Variants in SRPK2 observed in about 807,000 individuals in gnomAD.
The protein encoded by SRPK2 is SFRS protein kinase 2.
In SRPK2, 21 loss-of-function variants were observed where a neutral mutation model predicts 90.8. The observed-to-expected ratio is 0.23, with a 90% CI of 0.16 to 0.33. The LOEUF (loss-of-function observed/expected upper bound fraction) is 0.33. SRPK2 is among the 10% of genes least tolerant of loss of function. SRPK2 has a pLI of 1.00. For synonymous variants in SRPK2, 288 were observed against 311.1 expected, an observed-to-expected ratio of 0.93 and a Z score of 0.78; for missense variants, 620 against 869.0, an observed-to-expected ratio of 0.71 and a Z score of 3.60.
chr7:105,118,788 T>C (rs1799922027), intron 15 of SRPK2, among the ~76,000 whole-genome samples: 2 of 151,582 alleles, frequency 1.3e-5, no homozygotes, highest in Non-Finnish European at 2.9e-5. Flanking sequence ...GGCACGGTGG[T>C]ACATCCCAGC....
At position 105,182,746 on chromosome 7, in the gene SRPK2, G is replaced by A. The variant is rs369172876; in HGVS notation, c.230-13481C>T. On this transcript the variant is annotated intron_variant, in intron 3 of 15. Coordinates refer to ENST00000393651, the MANE Select transcript of SRPK2 (RefSeq NM_182692.3). ...GCCTCCCAAAGTGCTGGGATTACAG[G>A]CGTGAGCCACAGTGCCTGGCAAGTT... 1.4e-3 allele frequency among the ~76,000 whole-genome samples: 219 copies of A among 152,296 alleles called. 1 individual carries two copies. The highest frequency in any genetic ancestry group is 5.0e-3 in the African/African-American group (209 of 41,564).
intron 1 of SRPK2, among the ~76,000 whole-genome samples, chr7:105,396,064 C>T (rs893680117): frequency 6.6e-5 from 10 of 151,748 alleles, no homozygotes; most frequent in African/African-American, 1.9e-4. Context: ...TACAGGCATG[C>T]GCCACCACAC....
intron 2 of SRPK2, among the ~76,000 whole-genome samples, chr7:105,259,175 C>T (rs1803819607): frequency 6.6e-6 from 1 of 152,180 alleles, no homozygotes; most frequent in South Asian, 2.1e-4. Context: ...AGCTGATAAG[C>T]AACTTCAGCA....
At chr7:105,127,741 C>CA (rs1562959129) in intron 13 of SRPK2, among the ~76,000 whole-genome samples, 4 of 105,704 alleles carry the variant, frequency 3.8e-5, no homozygotes, top group South Asian at 6.3e-4. Context: ...CCCTTGCTCA[C>CA]AAAAAAACCC....
chr7:105,265,424 G>A (rs920395100), intron 2 of SRPK2, among the ~76,000 whole-genome samples: 3 of 152,100 alleles, frequency 2.0e-5, no homozygotes, highest in Non-Finnish European at 2.9e-5. Flanking sequence ...AAGGACTTGA[G>A]CATCTGTGGA....
chr7:105,156,066 T>C (rs1490510759), intron 7 of SRPK2, among the ~76,000 whole-genome samples: 1 of 152,220 alleles, frequency 6.6e-6, no homozygotes, highest in African/African-American at 2.4e-5. Context: ...CACCAGATGA[T>C]AGAAAATCTT....
intron 2 of SRPK2, among the ~76,000 whole-genome samples, chr7:105,384,025 T>C (rs967948608): frequency 6.6e-6 from 1 of 152,200 alleles, no homozygotes; most frequent in Non-Finnish European, 1.5e-5. Context: ...GAAAATGTTA[T>C]AGAATTAGAT....
At chr7:105,345,345 A>G (rs947249806) in intron 2 of SRPK2, among the ~76,000 whole-genome samples, 1 of 152,228 alleles carries the variant, frequency 6.6e-6, no homozygotes, top group Admixed American at 6.5e-5. Flanking sequence ...AGAGTCCATT[A>G]TGATGAATCT....
intron 2 of SRPK2, among the ~76,000 whole-genome samples, chr7:105,355,705 G>A (rs964654226): frequency 4.6e-5 from 7 of 151,970 alleles, no homozygotes; most frequent in African/African-American, 1.2e-4. Context: ...ATAACTAAAC[G>A]TCAAGCAGGC....
chr7:105,165,550 A>G (rs930373035), intron 6 of SRPK2, among the ~76,000 whole-genome samples: 7 of 152,116 alleles, frequency 4.6e-5, no homozygotes, highest in African/African-American at 9.7e-5. Context: ...ACCAATCAGC[A>G]CTCTGTAAAA....
chr7:105,355,787 CCT>C (rs766530081), intron 2 of SRPK2, among the ~76,000 whole-genome samples: 1 of 152,162 alleles, frequency 6.6e-6, no homozygotes, highest in Non-Finnish European at 1.5e-5. Flanking sequence ...GTGCCTCACG[CCT>C]GTTACCTCAG....
chr7:105,322,259 A>T (rs1462318577), intron 2 of SRPK2, among the ~76,000 whole-genome samples: 2 of 152,110 alleles, frequency 1.3e-5, no homozygotes, highest in Non-Finnish European at 2.9e-5. Context: ...TCTACTAAAA[A>T]TCCAAAAATT....
intron 2 of SRPK2, among the ~76,000 whole-genome samples, chr7:105,248,786 C>CA (rs973580548): frequency 2.3e-4 from 34 of 150,852 alleles, no homozygotes; most frequent in East Asian, 7.8e-4. Context: ...CTAAAAAATA[C>CA]AAAAAAAAAT....
At chr7:105,377,560 C>A (rs763228279) in intron 2 of SRPK2, among the ~76,000 whole-genome samples, 5 of 151,936 alleles carry the variant, frequency 3.3e-5, no homozygotes, top group Non-Finnish European at 5.9e-5. Flanking sequence ...ATTAGCCAGC[C>A]GTGGTAGTGG....
rs1821986812 is a variant in SRPK2 at position 105,388,861 on chromosome 7, G to C, written c.-55C>G. 1.5e-6 allele frequency: 2 copies of C among 1,311,676 alleles called. No homozygotes were observed. Among genetic ancestry groups the C allele is most frequent in the African/African-American group, 1.6e-5 (1 of 64,254 alleles). The allele number at this position is 1,311,676 out of a possible 1,614,324, so 81.3% of individuals were successfully genotyped here. ...TTCGCGACGGCGACGCGGGCGCCGA[G>C]ACGAGCTGGGCTGCAGCCTCCACTC... On this transcript the variant is annotated 5_prime_UTR_variant, in exon 1 of 16. Coordinates refer to ENST00000393651, the MANE Select transcript of SRPK2 (RefSeq NM_182692.3).
chr7:105,171,037 GGAAA>G (rs1191846305), intron 3 of SRPK2, among the ~76,000 whole-genome samples: 1 of 143,986 alleles, frequency 6.9e-6, no homozygotes. Flanking sequence ...AAGGAAGGAA[GGAAA>G]GGCAGGCAAG....
At chr7:105,286,821 C>T (rs1002056070) in intron 2 of SRPK2, among the ~76,000 whole-genome samples, 4 of 152,226 alleles carry the variant, frequency 2.6e-5, no homozygotes, top group Admixed American at 2.6e-4. Flanking sequence ...AGCAATTCCT[C>T]TCCCAAATCT....
At chr7:105,261,748 A>C (rs1804325890) in intron 2 of SRPK2, among the ~76,000 whole-genome samples, 1 of 152,180 alleles carries the variant, frequency 6.6e-6, no homozygotes, top group Non-Finnish European at 1.5e-5. Context: ...TATATATAAG[A>C]TCATAAGGTG....
chr7:105,254,027 T>G (rs537706911), intron 2 of SRPK2, among the ~76,000 whole-genome samples: 1 of 152,336 alleles, frequency 6.6e-6, no homozygotes, highest in South Asian at 2.1e-4. Context: ...TTAGCATAAA[T>G]AGAATACCCA....
Sources: allele counts gnomAD v4.1 joint callset (sites outside exome capture counted in the v4.1 genomes callset), GRCh38; gene constraint gnomAD v4.1.1; transcripts MANE v1.5; gene names NCBI Gene and HGNC (gene_info 2026-07-23, HGNC 2026-07-21).